The following PRKCA variants were observed in gnomAD, a reference collection of about 807,000 sequenced individuals.
PRKCA encodes the protein protein kinase C alpha type.
In PRKCA, 27 loss-of-function variants were observed where a neutral mutation model predicts 87.0. The ratio of observed to expected loss-of-function variants is 0.31; its 90% CI spans 0.23 to 0.43. The LOEUF is 0.43. Among genes scored for constraint, PRKCA ranks in the 20% least tolerant of loss-of-function variants. The probability of loss-of-function intolerance (pLI) is 1.00; values close to 1 mark genes in which losing one functional copy is unlikely to be tolerated. For missense variants in PRKCA, 518 were observed against 852.3 expected, an observed-to-expected ratio of 0.61 and a Z score of 4.88; for synonymous variants, 329 against 311.1, an observed-to-expected ratio of 1.06 and a Z score of -0.61.
intron 2 of PRKCA, among the ~76,000 whole-genome samples, chr17:66,319,581 A>AT (rs1487628072): frequency 2.0e-5 from 3 of 151,980 alleles, no homozygotes; most frequent in Non-Finnish European, 4.4e-5. Flanking sequence ...TGAAAAAAAA[A>AT]TTTTTTTAAG....
At chr17:66,510,399 G>A (rs1360483439) in intron 3 of PRKCA, among the ~76,000 whole-genome samples, 1 of 152,148 alleles carries the variant, frequency 6.6e-6, no homozygotes, top group Non-Finnish European at 1.5e-5. Context: ...AACCTCATGA[G>A]CATTTTTTGG....
intron 2 of PRKCA, among the ~76,000 whole-genome samples, chr17:66,495,571 G>A (rs985524357): frequency 1.4e-4 from 6 of 43,894 alleles, no homozygotes; most frequent in Non-Finnish European, 3.1e-4. Context: ...TATTTTTTGA[G>A]ACGGAGTTTC....
rs199575835 is a variant in PRKCA at position 66,688,339 on chromosome 17, G to T, written c.724G>T (p.Val242Leu). 14 of 1,614,086 alleles carry T rather than the reference G, an allele frequency of 8.7e-6. No individual in the cohort carries two copies. The highest frequency in any genetic ancestry group is 6.7e-5 in the Admixed American group (4 of 60,014). Reference sequence around the variant, plus strand: ...TTCAGACAAAGACCGACGACTGTCTGTAGAAATCTGGGACTGGGATCGAAC... The same window carrying T: ...TTCAGACAAAGACCGACGACTGTCTTTAGAAATCTGGGACTGGGATCGAAC... The part of the protein sequence containing the change: ...KPSDKDRRLS[V>L]EIWDWDRTTR... The change falls in exon 7 of 17, where the codon GTA becomes TTA. Residue 242 changes from valine to leucine, a missense_variant. Val to Leu is a conservative substitution (Grantham distance 32, BLOSUM62 1). This residue lies in a region of PRKCA where 300 missense variants were observed against 496.8 expected (regional missense o/e 0.60). Transcript: ENST00000413366.
intron 8 of PRKCA, among the ~76,000 whole-genome samples, chr17:66,709,683 T>G (rs544449484): frequency 7.6e-6 from 1 of 131,184 alleles, no homozygotes; most frequent in Admixed American, 7.9e-5. Context: ...TAAGATAGGT[T>G]TTTTTTTTTC....
At chr17:66,490,219 G>C (rs1028622969) in intron 2 of PRKCA, among the ~76,000 whole-genome samples, 11 of 151,940 alleles carry the variant, frequency 7.2e-5, no homozygotes, top group Admixed American at 5.2e-4. Context: ...AGGTTGATAA[G>C]TTAAAAATTT....
chr17:66,572,241 C>T (rs148325423), intron 3 of PRKCA, among the ~76,000 whole-genome samples: 4,064 of 152,184 alleles, frequency 0.027, 144 homozygotes, highest in East Asian at 0.15. Flanking sequence ...CAGAGGTGGG[C>T]GGATCACCTG....
chr17:66,334,724 A>G (rs1264230924), intron 2 of PRKCA, among the ~76,000 whole-genome samples: 1 of 152,200 alleles, frequency 6.6e-6, no homozygotes, highest in Non-Finnish European at 1.5e-5. Flanking sequence ...TAAACATAGA[A>G]TTCCTATGTG....
intron 3 of PRKCA, among the ~76,000 whole-genome samples, chr17:66,627,596 T>C (rs1970891189): frequency 6.6e-6 from 1 of 152,190 alleles, no homozygotes; most frequent in Non-Finnish European, 1.5e-5. Flanking sequence ...GTGATGGTGC[T>C]TTTCACGAGT....
At chr17:66,721,073 G>A (rs747713992) in intron 8 of PRKCA, among the ~76,000 whole-genome samples, 1 of 152,162 alleles carries the variant, frequency 6.6e-6, no homozygotes, top group Non-Finnish European at 1.5e-5. Context: ...ACAGAGTAAA[G>A]TGAAAGCAAG....
rs116204584 is a variant in PRKCA, at chr17:66,452,595, C to T, written c.206-43606C>T. 2.4e-3 allele frequency among the ~76,000 whole-genome samples: 360 copies of T among 152,288 alleles called. 2 individuals carry two copies. Among genetic ancestry groups the T allele is most frequent in the Middle Eastern group, 6.8e-3 (2 of 294 alleles). The stretch of plus-strand genomic sequence containing the variant: ...CGGCTTGTTCCTATTGCACTGAAGC[C>T]TTCAGGAATGCGGCCTCTGCACCTG... On this transcript the variant is annotated intron_variant, in intron 2 of 16. Coordinates refer to ENST00000413366, the MANE Select transcript of PRKCA (RefSeq NM_002737.3).
intron 5 of PRKCA, among the ~76,000 whole-genome samples, chr17:66,662,223 C>T (rs1372952978): frequency 6.6e-6 from 1 of 151,930 alleles, no homozygotes; most frequent in African/African-American, 2.4e-5. Flanking sequence ...AATATCAGGT[C>T]CTCTCTCTCT....
chr17:66,645,657 G>C (rs1412908593), intron 5 of PRKCA, 146 bp downstream of exon 5: 3 of 1,182,950 alleles, frequency 2.5e-6, no homozygotes, highest in Non-Finnish European at 3.6e-6. Context: ...CTGTCTCAGA[G>C]CCCTCCAGCC....
chr17:66,551,112 G>T lies in PRKCA; in HGVS notation c.288+54829G>T, dbSNP rs547853976. Among the ~76,000 whole-genome samples, 37 of 152,206 alleles carry T rather than the reference G, an allele frequency of 2.4e-4. No individual in the cohort carries two copies. In the South Asian group the frequency reaches 5.6e-3, roughly 23 times the overall value. On this transcript the variant is annotated intron_variant, in intron 3 of 16. Coordinates refer to ENST00000413366, the MANE Select transcript of PRKCA (RefSeq NM_002737.3). ...AGGTCTCACTCTGTCACCCAGGCTG[G>T]AGTGCAGTGGCACAGTCATGACTCA... is the stretch of plus-strand genomic sequence containing the variant.
In PRKCA at chr17:66,647,485, C is replaced by T. The variant is rs1971484662; in HGVS notation, c.529+1974C>T. Among the ~76,000 whole-genome samples, 3 of 152,182 alleles carry T rather than the reference C, an allele frequency of 2.0e-5. No homozygotes were observed. The South Asian group carries it at 6.2e-4, about 32-fold the overall frequency. Reference sequence around the variant, plus strand: ...GCATTCTTTGTGTTTCTAGATAAAGCAAAACATGTGCTATGCATGCTGGAC... The same window carrying T: ...GCATTCTTTGTGTTTCTAGATAAAGTAAAACATGTGCTATGCATGCTGGAC... On this transcript the variant is annotated intron_variant, in intron 5 of 16. Transcript: ENST00000413366.
chr17:66,805,158 T>C lies in PRKCA; in HGVS notation c.*1121T>C. ...AAAGAATATGGTTTTGGTTCCCATT[T>C]CTAGTTCACGTTGAATGACAGGCCT... is the stretch of plus-strand genomic sequence containing the variant. On this transcript the variant is annotated 3_prime_UTR_variant, in exon 17 of 17. Coordinates refer to ENST00000413366, the MANE Select transcript of PRKCA (RefSeq NM_002737.3). The C allele has an allele frequency of 1.0e-6, 1 of 977,528 alleles. No individual in the cohort carries two copies. The highest frequency in any genetic ancestry group is 1.2e-6 in the Non-Finnish European group (1 of 822,638). The allele number at this position is 977,528 out of a possible 1,614,324, so 60.6% of individuals were successfully genotyped here. A position where few individuals can be genotyped will look rare whatever the true frequency, so the allele number is the denominator to read the frequency against.
At chr17:66,427,699 T>C (rs1004525991) in intron 2 of PRKCA, among the ~76,000 whole-genome samples, 1 of 152,186 alleles carries the variant, frequency 6.6e-6, no homozygotes, top group Non-Finnish European at 1.5e-5. Flanking sequence ...AGAAAGAGTT[T>C]CTAAGTATGG....
Position 66,742,644 on chromosome 17 carries a change from A to C in PRKCA, c.1408A>C (p.Met470Leu). Residue 470 changes from methionine to leucine, a missense_variant, in exon 13 of 17, where the codon ATG becomes CTG. Physicochemically the swap from Met to Leu is conservative, Grantham distance 15. Coordinates refer to ENST00000413366, the MANE Select transcript of PRKCA (RefSeq NM_002737.3). ...IYRDLKLDNV[M>L]LDSEGHIKIA... ...CAGGGATCTGAAGTTAGATAACGTC[A>C]TGTTGGATTCAGAAGGACATATCAA... The C allele has an allele frequency of 6.2e-7, 1 of 1,614,144 alleles. No individual in the cohort carries two copies. The highest frequency in any genetic ancestry group is 8.5e-7 in the Non-Finnish European group (1 of 1,179,986).
Position 66,370,350 on chromosome 17 carries a change from G to A in PRKCA, c.205+64223G>A, listed in dbSNP as rs572289425. 4.1e-5 allele frequency among the ~76,000 whole-genome samples: 6 copies of A among 147,294 alleles called. No homozygotes were observed. In the South Asian group the frequency reaches 1.3e-3, roughly 32 times the overall value. ...GGGTTCAAGCAATTTTCCTGCCTCAGCCTCTGGAGTAGCTGGGACTACGGG... is the reference window on the plus strand; with the variant it reads ...GGGTTCAAGCAATTTTCCTGCCTCAACCTCTGGAGTAGCTGGGACTACGGG... On this transcript the variant is annotated intron_variant, in intron 2 of 16. Transcript: ENST00000413366.
At chr17:66,359,267 T>C (rs543191078) in intron 2 of PRKCA, among the ~76,000 whole-genome samples, 10 of 152,318 alleles carry the variant, frequency 6.6e-5, no homozygotes, top group South Asian at 2.1e-4. Context: ...TTGTCACTAA[T>C]AGCCCACAGA....
Sources: gnomAD v4.1 joint callset for allele counts (sites outside exome capture counted in the v4.1 genomes callset) on GRCh38, gnomAD v4.1.1 for gene constraint, gnomAD v4.1.1 regional missense constraint, MANE v1.5 for transcripts, NCBI Gene and HGNC (gene_info 2026-07-23, HGNC 2026-07-21) for gene names.